ATRN: variants seen among roughly 807,000 people sequenced by gnomAD.
The protein encoded by ATRN is attractin-2.
Under a neutral mutation model 178.7 loss-of-function variants are expected in ATRN, and 54 were observed. The observed-to-expected ratio is 0.30, with a 90% CI of 0.24 to 0.38. ATRN has a LOEUF of 0.38. Among genes scored for constraint, ATRN ranks in the 10% least tolerant of loss-of-function variants. The pLI is 1.00. For missense variants in ATRN, 1,443 were observed against 1,815.1 expected (o/e 0.79, Z 3.73); for synonymous variants, 636 against 663.0 (o/e 0.96, Z 0.63).
At chr20:3,625,075 T>C (rs1299481866) in intron 25 of ATRN, among the ~76,000 whole-genome samples, 2 of 152,196 alleles carry the variant, frequency 1.3e-5, no homozygotes, top group East Asian at 3.8e-4. Context: ...GACAAATAAT[T>C]GAAAAAGACA....
At chr20:3,518,558 T>C (rs1442515143) in intron 1 of ATRN, among the ~76,000 whole-genome samples, 1 of 152,220 alleles carries the variant, frequency 6.6e-6, no homozygotes, top group African/African-American at 2.4e-5. Flanking sequence ...CTGTGAAACA[T>C]ACTAAAAGTC....
chr20:3,596,099 A>T (rs867545190), intron 20 of ATRN, among the ~76,000 whole-genome samples: 1 of 152,256 alleles, frequency 6.6e-6, no homozygotes, highest in Admixed American at 6.5e-5. Context: ...AATGTTTTTC[A>T]TTATAGTAAA....
intron 25 of ATRN, among the ~76,000 whole-genome samples, chr20:3,633,087 A>G (rs1004620337): frequency 1.3e-5 from 2 of 152,184 alleles, no homozygotes; most frequent in African/African-American, 4.8e-5. Context: ...GTGAGCTGAG[A>G]TCGTGCCACT....
intron 24 of ATRN, among the ~76,000 whole-genome samples, chr20:3,609,196 T>A (rs1337727412): frequency 6.6e-6 from 1 of 152,182 alleles, no homozygotes; most frequent in East Asian, 1.9e-4. Flanking sequence ...CTCTTCAATT[T>A]CTTACATCAG....
intron 24 of ATRN, chr20:3,615,767 A>G: frequency 2.2e-6 from 1 of 453,858 alleles, no homozygotes; most frequent in Non-Finnish European, 4.4e-6. Context: ...TGTTGCCCCC[A>G]TCATTCTCAG....
chr20:3,626,891 A>G (rs1001273419), intron 25 of ATRN, among the ~76,000 whole-genome samples: 2 of 149,832 alleles, frequency 1.3e-5, no homozygotes, highest in African/African-American at 2.5e-5. Flanking sequence ...GGTTCAAGCA[A>G]TTCTCCTGCC....
rs1447121490 is a variant in ATRN, at chr20:3,562,374, G to A, written c.1546G>A (p.Val516Ile). The A allele has an allele frequency of 4.3e-6, 7 of 1,614,016 alleles. No individual in the cohort carries two copies. The highest frequency in any genetic ancestry group is 2.7e-5 in the African/African-American group (2 of 74,908). Residue 516 changes from valine to isoleucine, a missense_variant, in exon 9 of 29, where the codon GTT becomes ATT. Val to Ile is a conservative substitution (Grantham distance 29, BLOSUM62 3). Coordinates refer to ENST00000262919, the MANE Select transcript of ATRN (RefSeq NM_139321.3). ...CGACCATAGGACCAGGGCCCTATAC[G>A]TTCATGGTGGCTACAAGGCTTTCAG... ...VYDHRTRALY[V>I]HGGYKAFSAN...
chr20:3,558,079 A>G (rs577828912), intron 6 of ATRN, among the ~76,000 whole-genome samples: 2 of 152,264 alleles, frequency 1.3e-5, no homozygotes, highest in South Asian at 2.1e-4. Context: ...TGTCCCTCCA[A>G]AGTCCCAGAG....
In ATRN at chr20:3,565,381, A is replaced by G. The variant is rs748920520; in HGVS notation, c.1820A>G (p.Asp607Gly). 2 of 1,614,008 alleles carry G rather than the reference A, an allele frequency of 1.2e-6. No individual in the cohort carries two copies. The highest frequency in any genetic ancestry group is 1.7e-6 in the Non-Finnish European group (2 of 1,179,970). Residue 607 changes from aspartate to glycine, a missense_variant, in exon 11 of 29, where the codon GAT becomes GGT. Physicochemically the swap from Asp to Gly is moderately conservative, Grantham distance 94 (BLOSUM62 -1). This residue lies in a region of ATRN where 862 missense variants were observed against 972.1 expected (regional missense o/e 0.89). Transcript: ENST00000262919. ...CDRWSVLPRP[D>G]LHHDVNRFGH... ...CGCTGGTCAGTGCTTCCCAGACCTG[A>G]TCTCCACCATGATGTCAACAGATTT... is the stretch of plus-strand genomic sequence containing the variant.
chr20:3,577,616 G>A (rs547503936), intron 14 of ATRN, among the ~76,000 whole-genome samples: 4 of 152,318 alleles, frequency 2.6e-5, no homozygotes, highest in African/African-American at 9.6e-5. Context: ...AGGGAAGTTG[G>A]TTTGGACCAG....
intron 11 of ATRN, 64 bp downstream of exon 11, chr20:3,565,496 G>C: frequency 7.1e-7 from 1 of 1,404,942 alleles, no homozygotes; most frequent in Middle Eastern, 1.8e-4. Context: ...GGCCGGGCAC[G>C]GTGGCTCACG....
chr20:3,604,047 G>T, intron 23 of ATRN, 58 bp from the exon 24 acceptor site: 1 of 1,443,110 alleles, frequency 6.9e-7, no homozygotes, highest in South Asian at 1.4e-5. Flanking sequence ...GCCAGATTCT[G>T]TTCTCCCCCT....
intron 25 of ATRN, among the ~76,000 whole-genome samples, chr20:3,629,866 G>A (rs923235165): frequency 2.0e-5 from 3 of 152,190 alleles, no homozygotes; most frequent in Admixed American, 6.5e-5. Context: ...CTTTCATGCC[G>A]TCTCTGGACA....
chr20:3,523,861 A>G (rs1448130405), intron 1 of ATRN, among the ~76,000 whole-genome samples: 1 of 152,194 alleles, frequency 6.6e-6, no homozygotes, highest in Non-Finnish European at 1.5e-5. Context: ...ACAGACAAGC[A>G]ATTGCTGAGA....
rs368394749 is a variant in ATRN at position 3,630,916 on chromosome 20, CTTTTTTTTTTTTTTTTTTTT to C, written c.3864-3366_3864-3347del. On this transcript the variant is annotated intron_variant, in intron 25 of 28. Transcript: ENST00000262919. Reference sequence around the variant, plus strand: ...ACCATGTCTAAAAGAATTTATTTAGCTTTTTTTTTTTTTTTTTTTTTTTTTTTTTTTTTTTTTTTTTTTTT... The same window carrying C: ...ACCATGTCTAAAAGAATTTATTTAGCTTTTTTTTTTTTTTTTTTTTTTTTT... Among the ~76,000 whole-genome samples, 53 of 43,444 alleles carry C rather than the reference CTTTTTTTTTTTTTTTTTTTT, an allele frequency of 1.2e-3. 2 individuals carry two copies. Among genetic ancestry groups the C allele is most frequent in the African/African-American group, 3.1e-3 (31 of 10,150 alleles). The allele number at this position is 43,444 out of a possible 152,430, so 28.5% of individuals were successfully genotyped here. A position where few individuals can be genotyped will look rare whatever the true frequency, so the allele number is the denominator to read the frequency against.
At chr20:3,499,660 T>C (rs1187947463) in intron 1 of ATRN, among the ~76,000 whole-genome samples, 2 of 147,006 alleles carry the variant, frequency 1.4e-5, no homozygotes, top group African/African-American at 5.1e-5. Flanking sequence ...GATCCCTTCC[T>C]TACACCTTAT....
At chr20:3,504,816 A>T (rs1016885862) in intron 1 of ATRN, among the ~76,000 whole-genome samples, 3 of 151,886 alleles carry the variant, frequency 2.0e-5, no homozygotes, top group African/African-American at 4.8e-5. Flanking sequence ...CTAACACTGA[A>T]GATGATGATA....
chr20:3,616,787 A>T (rs1356263533), intron 24 of ATRN, among the ~76,000 whole-genome samples: 3 of 152,122 alleles, frequency 2.0e-5, no homozygotes, highest in African/African-American at 7.2e-5. Flanking sequence ...AGGACTTAGG[A>T]GGTCCAGGAG....
At chr20:3,605,184 G>T (rs1383222248) in intron 24 of ATRN, among the ~76,000 whole-genome samples, 1 of 152,142 alleles carries the variant, frequency 6.6e-6, no homozygotes, top group Admixed American at 6.5e-5. Context: ...TTAGAGAAAT[G>T]CAAATCAGAA....
Sources: gnomAD v4.1 joint callset for allele counts (sites outside exome capture counted in the v4.1 genomes callset) on GRCh38, gnomAD v4.1.1 for gene constraint, gnomAD v4.1.1 regional missense constraint, MANE v1.5 for transcripts, NCBI Gene and HGNC (gene_info 2026-07-23, HGNC 2026-07-21) for gene names.